C3orf52: variants seen among roughly 807,000 people sequenced by gnomAD.
C3orf52 encodes the protein chromosome 3 open reading frame 52.
Under a neutral mutation model 24.8 loss-of-function variants are expected in C3orf52, and 22 were observed. The observed-to-expected ratio is 0.89, with a 90% CI of 0.63 to 1.27. The LOEUF is 1.27. Ranked by LOEUF, C3orf52 falls within the 50% of genes most tolerant of loss-of-function variation. The pLI is 0.00. For synonymous variants in C3orf52, 93 were observed against 100.2 expected, an observed-to-expected ratio of 0.93 and a Z score of 0.43; for missense variants, 265 against 260.7, an observed-to-expected ratio of 1.02 and a Z score of -0.11.
chr3:112,123,364 A>T lies in C3orf52; in HGVS notation c.*46+3802A>T, dbSNP rs541527044. 3.8e-5 allele frequency: 59 copies of T among 1,545,290 alleles called. No individual in the cohort carries two copies. The East Asian group carries it at 9.9e-4, about 26-fold the overall frequency. On this transcript the variant is annotated intron_variant, in intron 4 of 4. Transcript: ENST00000480282. ...AGGGTTGTTGTGGGAGATAAGCTGG[A>T]GGGACTTTGTGTCCCATCCCTGCTT...
At chr3:112,113,396 A>G (rs1299938652) in intron 5 of C3orf52, among the ~76,000 whole-genome samples, 1 of 152,220 alleles carries the variant, frequency 6.6e-6, no homozygotes, top group Non-Finnish European at 1.5e-5. Context: ...AAGATAATTC[A>G]ACTATAAAGA....
intron 3 of C3orf52, among the ~76,000 whole-genome samples, 173 bp downstream of exon 3, chr3:112,103,138 T>A (rs546042125): frequency 6.6e-6 from 1 of 152,260 alleles, no homozygotes; most frequent in African/African-American, 2.4e-5. Context: ...CCACATGTTC[T>A]CACTTACAAG....
downstream of C3orf52, chr3:112,130,378 C>G (rs1422925561): frequency 2.6e-5 from 34 of 1,294,272 alleles, no homozygotes; most frequent in East Asian, 7.6e-4. Context: ...ATGTGAAGTC[C>G]AGGGCTTGAC....
chr3:112,093,249 T>A, intron 1 of C3orf52, 111 bp from the exon 2 acceptor site: 1 of 1,105,990 alleles, frequency 9.0e-7, no homozygotes, highest in Admixed American at 2.6e-5. Flanking sequence ...AGTGTTGCCC[T>A]AAGGTCAGGG....
At chr3:112,094,119 G>A (rs1172130730) in intron 2 of C3orf52, among the ~76,000 whole-genome samples, 2 of 151,930 alleles carry the variant, frequency 1.3e-5, no homozygotes, top group African/African-American at 2.4e-5. Flanking sequence ...CTCAGCCTCC[G>A]AAATAGCTGG....
downstream of C3orf52, chr3:112,133,071 C>T (rs2074497058): frequency 6.2e-7 from 1 of 1,612,024 alleles, no homozygotes; most frequent in African/African-American, 1.3e-5. Flanking sequence ...CTCTGCTCTC[C>T]CACAGGGAGT....
chr3:112,133,018 G>A (rs1282774941), downstream of C3orf52: 1 of 1,485,900 alleles, frequency 6.7e-7, no homozygotes, highest in Non-Finnish European at 9.3e-7. Flanking sequence ...CTGTATACTA[G>A]CTTTCTTTTT....
intron 3 of C3orf52, among the ~76,000 whole-genome samples, chr3:112,104,985 T>G (rs1414142293): frequency 6.6e-6 from 1 of 152,230 alleles, no homozygotes; most frequent in Non-Finnish European, 1.5e-5. Flanking sequence ...AGCATCCACA[T>G]GTGTCACCTG....
chr3:112,127,941 C>A, intron 4 of C3orf52: 2 of 1,262,516 alleles, frequency 1.6e-6, no homozygotes, highest in South Asian at 1.2e-5. Context: ...CACAGACAGT[C>A]ACAGGTAACT....
intron 3 of C3orf52, among the ~76,000 whole-genome samples, chr3:112,108,378 T>A (rs931851439): frequency 2.0e-5 from 3 of 152,164 alleles, no homozygotes; most frequent in Non-Finnish European, 4.4e-5. Flanking sequence ...GGGAAATGGA[T>A]ATTTATACAT....
chr3:112,119,475 G>C, downstream of C3orf52: 1 of 702,944 alleles, frequency 1.4e-6, no homozygotes, highest in Non-Finnish European at 2.6e-6. Context: ...GTAGGAAGTA[G>C]GACTGAAGCC....
intron 2 of C3orf52, among the ~76,000 whole-genome samples, chr3:112,097,922 A>T (rs1158768807): frequency 6.6e-6 from 1 of 152,198 alleles, no homozygotes; most frequent in Non-Finnish European, 1.5e-5. Flanking sequence ...AATGCTAATC[A>T]TGTAGAAGTT....
downstream of C3orf52, chr3:112,133,133 C>T (rs1433445190): frequency 6.2e-7 from 1 of 1,613,758 alleles, no homozygotes; most frequent in African/African-American, 1.3e-5. Flanking sequence ...TCTCAGTCCT[C>T]TCAGGGCTTC....
At chr3:112,123,947 G>A (rs1485125374) in intron 4 of C3orf52, among the ~76,000 whole-genome samples, 2 of 152,132 alleles carry the variant, frequency 1.3e-5, no homozygotes, top group Non-Finnish European at 2.9e-5. Flanking sequence ...TAGGCTAGCT[G>A]CAAGAGTGCT....
intron 2 of C3orf52, among the ~76,000 whole-genome samples, chr3:112,094,022 T>G (rs1273599632): frequency 6.6e-6 from 1 of 152,068 alleles, no homozygotes; most frequent in Non-Finnish European, 1.5e-5. Flanking sequence ...TGAGAGAAAG[T>G]CTTACTCTGT....
Position 112,127,500 on chromosome 3 carries a change from G to T in C3orf52, c.*47-733G>T, listed in dbSNP as rs1216141444. On this transcript the variant is annotated intron_variant, in intron 4 of 4. Transcript: ENST00000480282. ...TGAAAAAATGTGATATAAATATAAT[G>T]GAAGCCCACTATCGTTTCAGTAGAC... Among the ~76,000 whole-genome samples the T allele has an allele frequency of 1.3e-5, 2 of 152,160 alleles. 1 individual carries two copies. Among genetic ancestry groups the T allele is most frequent in the Non-Finnish European group, 2.9e-5 (2 of 68,028 alleles).
chr3:112,128,095 G>A (rs1237986779), intron 4 of C3orf52: 3 of 1,593,092 alleles, frequency 1.9e-6, no homozygotes, highest in Admixed American at 1.7e-5. Flanking sequence ...AAATCATAAG[G>A]TTGATTTCTG....
intron 2 of C3orf52, among the ~76,000 whole-genome samples, chr3:112,101,683 A>G (rs1237660011): frequency 6.6e-6 from 1 of 152,196 alleles, no homozygotes; most frequent in Admixed American, 6.5e-5. Flanking sequence ...ATGTCATCAC[A>G]GAATAAGTAA....
downstream of C3orf52, chr3:112,133,149 C>G (rs759386575): frequency 1.2e-6 from 2 of 1,613,212 alleles, no homozygotes; most frequent in South Asian, 1.1e-5. Context: ...GCTTCCCCTC[C>G]GTCCCTTTAC....
Sources: gnomAD v4.1 joint callset for allele counts (sites outside exome capture counted in the v4.1 genomes callset) on GRCh38, gnomAD v4.1.1 for gene constraint, MANE v1.5 for transcripts, NCBI Gene and HGNC (gene_info 2026-07-23, HGNC 2026-07-21) for gene names.